PRCP: variants seen among roughly 807,000 people sequenced by gnomAD.
PRCP encodes the protein prolylcarboxypeptidase, also known as lysosomal Pro-X carboxypeptidase.
A neutral mutation model predicts 54.2 loss-of-function variants in PRCP; 46 were observed. That is an observed-to-expected ratio of 0.85 (90% confidence interval 0.67 to 1.09). The LOEUF (loss-of-function observed/expected upper bound fraction) is 1.09, where lower values mean the gene tolerates loss of function less well. Ranked by LOEUF, PRCP falls within the 50% of genes least tolerant of loss-of-function variation. The probability of loss-of-function intolerance (pLI) is 0.00; values close to 1 mark genes in which losing one functional copy is unlikely to be tolerated. For synonymous variants in PRCP, 240 were observed against 212.2 expected (o/e 1.13, Z -1.14); for missense variants, 613 against 596.8 (o/e 1.03, Z -0.28).
chr11:82,876,226 G>A (rs566467088), intron 1 of PRCP, among the ~76,000 whole-genome samples: 2 of 152,158 alleles, frequency 1.3e-5, no homozygotes, highest in African/African-American at 4.8e-5. Context: ...TGCTGATTGT[G>A]CCACTTTCTA....
rs374932605 is a variant in PRCP at position 82,840,870 on chromosome 11, T to C, written c.922-1445A>G. 1.4e-4 allele frequency: 21 copies of C among 152,116 alleles called. No individual in the cohort carries two copies. The East Asian group carries it at 3.9e-3, about 28-fold the overall frequency. 9.4% of individuals were successfully genotyped at this position (152,116 alleles called of 1,614,324 possible). On this transcript the variant is annotated intron_variant, in intron 6 of 8. Coordinates refer to ENST00000313010, the MANE Select transcript of PRCP (RefSeq NM_005040.4). ...AATAGGGCCTAGATTTGTTCCCAGC[T>C]GTCTCTGGTTATGAAATATACATCT...
At chr11:82,841,841 C>G (rs1858680020) in intron 6 of PRCP, among the ~76,000 whole-genome samples, 1 of 152,156 alleles carries the variant, frequency 6.6e-6, no homozygotes. Context: ...AGAAATAACT[C>G]AAGACAATAT....
At chr11:82,894,783 CAGAA>C (rs1177900636) in intron 1 of PRCP, among the ~76,000 whole-genome samples, 2 of 152,224 alleles carry the variant, frequency 1.3e-5, no homozygotes, top group South Asian at 4.1e-4. Context: ...ACTCAGCTAT[CAGAA>C]AGACAGTGTT....
intron 1 of PRCP, among the ~76,000 whole-genome samples, chr11:82,873,400 G>C (rs935543096): frequency 6.6e-6 from 1 of 152,146 alleles, no homozygotes; most frequent in Non-Finnish European, 1.5e-5. Flanking sequence ...TTTTAAACAC[G>C]AAATGCCCCA....
At chr11:82,846,145 G>A (rs960664303) in intron 6 of PRCP, 4 of 152,056 alleles carry the variant, frequency 2.6e-5, no homozygotes, top group African/African-American at 4.8e-5. Context: ...AGAAAAGGAC[G>A]CCTGTTTGTC....
intron 1 of PRCP, among the ~76,000 whole-genome samples, chr11:82,869,872 A>C (rs923252778): frequency 2.0e-5 from 3 of 152,224 alleles, no homozygotes; most frequent in African/African-American, 4.8e-5. Context: ...CACATGCCTA[A>C]TGGAGAACCC....
At chr11:82,884,140 T>C (rs1360105668) in intron 1 of PRCP, among the ~76,000 whole-genome samples, 1 of 152,228 alleles carries the variant, frequency 6.6e-6, no homozygotes, top group Non-Finnish European at 1.5e-5. Flanking sequence ...AAGTACTTCC[T>C]TACTTTCCTA....
At chr11:82,842,150 C>T (rs893116370) in intron 6 of PRCP, among the ~76,000 whole-genome samples, 1 of 152,078 alleles carries the variant, frequency 6.6e-6, no homozygotes, top group African/African-American at 2.4e-5. Context: ...CATCAGAGCC[C>T]CTCTTAGAGC....
At chr11:82,886,308 A>G (rs888142851) in intron 1 of PRCP, among the ~76,000 whole-genome samples, 5 of 152,160 alleles carry the variant, frequency 3.3e-5, no homozygotes, top group Admixed American at 6.5e-5. Flanking sequence ...ATTTTTTGAC[A>G]GGGTGTCATT....
chr11:82,892,489 A>G (rs1347686620), intron 1 of PRCP, among the ~76,000 whole-genome samples: 1 of 152,194 alleles, frequency 6.6e-6, no homozygotes, highest in African/African-American at 2.4e-5. Flanking sequence ...AATTTTCAGT[A>G]CAGAATTATT....
At chr11:82,850,972 C>T (rs994346379) in intron 3 of PRCP, among the ~76,000 whole-genome samples, 1 of 152,074 alleles carries the variant, frequency 6.6e-6, no homozygotes, top group East Asian at 1.9e-4. Flanking sequence ...ATATCAACAA[C>T]TGAAACAAAG....
intron 2 of PRCP, among the ~76,000 whole-genome samples, chr11:82,854,267 C>T (rs950051332): frequency 6.6e-6 from 1 of 152,186 alleles, no homozygotes; most frequent in Non-Finnish European, 1.5e-5. Flanking sequence ...ACAGACTCCA[C>T]CAAAAGACTT....
intron 1 of PRCP, among the ~76,000 whole-genome samples, chr11:82,877,362 A>G (rs144623952): frequency 0.027 from 4,045 of 152,322 alleles, 174 homozygotes; most frequent in African/African-American, 0.091. Context: ...AAGGAGCCCA[A>G]TGTTAATCCC....
intron 8 of PRCP, chr11:82,827,795 T>A (rs1236494555): frequency 1.3e-5 from 2 of 151,918 alleles, no homozygotes; most frequent in South Asian, 2.1e-4. Context: ...TCTATTTTTT[T>A]AAAAAAAAGT....
intron 1 of PRCP, among the ~76,000 whole-genome samples, chr11:82,885,280 C>A (rs1480732058): frequency 6.6e-6 from 1 of 152,124 alleles, no homozygotes; most frequent in Non-Finnish European, 1.5e-5. Flanking sequence ...AATAACTGAG[C>A]TATGAGGAAT....
At position 82,850,473 on chromosome 11, in the gene PRCP, T is replaced by C; in HGVS notation, c.444A>G (p.Glu148=). Residue 148 remains glutamate (E), a synonymous_variant, in exon 4 of 9, where the codon GAA becomes GAG. Transcript: ENST00000313010. ...DSRHLNFLTS[E]QALADFAELI... is the part of the protein sequence containing the mutation. ...ACTCTGCAAAATCAGCCAGAGCTTG[T>C]TCTGATGTCAGGAAATTCAAGTGTC... The C allele has an allele frequency of 6.3e-7, 1 of 1,583,812 alleles. No homozygotes were observed. The highest frequency in any genetic ancestry group is 1.4e-5 in the African/African-American group (1 of 73,692).
At chr11:82,862,446 C>T (rs548172106) in intron 1 of PRCP, among the ~76,000 whole-genome samples, 192 of 152,320 alleles carry the variant, frequency 1.3e-3, no homozygotes, top group Non-Finnish European at 2.2e-3. Flanking sequence ...GAATGCAGCA[C>T]CCAGTCTGGG....
At chr11:82,827,996 T>C (rs1489090718) in intron 8 of PRCP, 1 of 152,348 alleles carries the variant, frequency 6.6e-6, no homozygotes, top group Non-Finnish European at 1.5e-5. Context: ...TCCAAAGCAT[T>C]TTATTCTTGA....
rs1858153407 is a variant in PRCP, at chr11:82,823,859, T to C, written c.*1047A>G. 1 of 152,226 alleles carries C rather than the reference T, an allele frequency of 6.6e-6. No individual in the cohort carries two copies. Among genetic ancestry groups the C allele is most frequent in the Non-Finnish European group, 1.5e-5 (1 of 68,036 alleles). The allele number at this position is 152,226 out of a possible 1,614,324, so 9.4% of individuals were successfully genotyped here. A position where few individuals can be genotyped will look rare whatever the true frequency, so the allele number is the denominator to read the frequency against. ...CTTGGCCATTTATTAATGTCAAATATGCTGCCTGCATGAATTAGTCAGCTT... is the reference window on the plus strand; with the variant it reads ...CTTGGCCATTTATTAATGTCAAATACGCTGCCTGCATGAATTAGTCAGCTT... On this transcript the variant is annotated 3_prime_UTR_variant, in exon 9 of 9. Coordinates refer to ENST00000313010, the MANE Select transcript of PRCP (RefSeq NM_005040.4).
Sources: allele counts gnomAD v4.1 joint callset (sites outside exome capture counted in the v4.1 genomes callset), GRCh38; gene constraint gnomAD v4.1.1; transcripts MANE v1.5; gene names NCBI Gene and HGNC (gene_info 2026-07-23, HGNC 2026-07-21).